TLK1: variants seen among roughly 807,000 people sequenced by gnomAD.
The protein encoded by TLK1 is serine/threonine-protein kinase tousled-like 1.
Under a neutral mutation model 105.3 loss-of-function variants are expected in TLK1, and 24 were observed. The ratio of observed to expected loss-of-function variants is 0.23; its 90% CI spans 0.17 to 0.32. The LOEUF (loss-of-function observed/expected upper bound fraction) is 0.32. TLK1 is among the 10% of genes least tolerant of loss of function. TLK1 has a pLI of 1.00. For synonymous variants in TLK1, 321 were observed against 310.4 expected (o/e 1.03, Z -0.36); for missense variants, 558 against 910.5 (o/e 0.61, Z 4.98).
intron 3 of TLK1, chr2:171,081,504 G>T: frequency 2.6e-6 from 1 of 389,314 alleles, no homozygotes; most frequent in Non-Finnish European, 4.3e-6. Context: ...AATATAAAGT[G>T]AGAACATTCT....
intron 2 of TLK1, among the ~76,000 whole-genome samples, chr2:171,101,960 T>C (rs1689711904): frequency 6.6e-6 from 1 of 152,232 alleles, no homozygotes; most frequent in South Asian, 2.1e-4. Context: ...TAATTAACTT[T>C]TGAATAGGCA....
intron 1 of TLK1, among the ~76,000 whole-genome samples, chr2:171,211,167 C>T (rs778482635): frequency 2.0e-5 from 3 of 152,190 alleles, no homozygotes; most frequent in African/African-American, 4.8e-5. Flanking sequence ...TCAGAGACCT[C>T]GAATCCTACA....
intron 1 of TLK1, among the ~76,000 whole-genome samples, chr2:171,192,432 C>A (rs1381955237): frequency 2.6e-5 from 4 of 152,170 alleles, no homozygotes; most frequent in Non-Finnish European, 2.9e-5. Context: ...ATAATCCCAG[C>A]ACTTTGGGAG....
chr2:171,163,875 A>ATT (rs1692559558), upstream of TLK1, among the ~76,000 whole-genome samples: 3 of 152,022 alleles, frequency 2.0e-5, no homozygotes, highest in Non-Finnish European at 4.4e-5. Context: ...GCAGATGCCT[A>ATT]TCACAATGCC....
At chr2:171,034,691 A>C (rs1686233977) in intron 11 of TLK1, among the ~76,000 whole-genome samples, 1 of 152,336 alleles carries the variant, frequency 6.6e-6, no homozygotes, top group Middle Eastern at 3.4e-3. Context: ...GAATGGACTA[A>C]AAGCCACTGA....
At chr2:171,156,017 T>C (rs1692218375) in intron 1 of TLK1, among the ~76,000 whole-genome samples, 3 of 152,198 alleles carry the variant, frequency 2.0e-5, no homozygotes, top group South Asian at 2.1e-4. Flanking sequence ...GTATCTTCCA[T>C]AGACTTCCTG....
intron 2 of TLK1, among the ~76,000 whole-genome samples, chr2:171,103,281 T>TATATATATATATAA (rs1018211660): frequency 1.7e-4 from 26 of 150,048 alleles, no homozygotes; most frequent in African/African-American, 6.5e-4. Flanking sequence ...TATATATATA[T>TATATATATATATAA]AATTTTTTTT....
At chr2:171,197,270 A>G (rs1329679384) in intron 1 of TLK1, among the ~76,000 whole-genome samples, 1 of 152,186 alleles carries the variant, frequency 6.6e-6, no homozygotes, top group Non-Finnish European at 1.5e-5. Context: ...TGAATATGAA[A>G]AGATTTCTTA....
rs567973913 is a variant in TLK1, at chr2:170,993,457, CG to C, written c.*322del. On this transcript the variant is annotated 3_prime_UTR_variant, in exon 21 of 21. Transcript: ENST00000431350. ...ACCAAATGTATTTAAGTATTATAAACGTTATTTACAGTGTTCCCCCAAATAA... is the reference window on the plus strand; with the variant it reads ...ACCAAATGTATTTAAGTATTATAAACTTATTTACAGTGTTCCCCCAAATAA... The C allele has an allele frequency of 3.5e-3, 716 of 203,166 alleles. 7 individuals carry two copies. The highest frequency in any genetic ancestry group is 0.015 in the African/African-American group (640 of 43,692). 12.6% of individuals were successfully genotyped at this position (203,166 alleles called of 1,614,324 possible). A position where few individuals can be genotyped will look rare whatever the true frequency, so the allele number is the denominator to read the frequency against.
At chr2:171,051,997 T>G (rs12618232) in intron 8 of TLK1, among the ~76,000 whole-genome samples, 76,125 of 152,018 alleles carry the variant, frequency 0.5, 21,598 homozygotes, top group South Asian at 0.67. Context: ...CAGCTGGGCA[T>G]GGTGGCTCAT....
intron 1 of TLK1, among the ~76,000 whole-genome samples, chr2:171,172,511 C>T (rs1002558460): frequency 6.6e-6 from 1 of 152,156 alleles, no homozygotes; most frequent in African/African-American, 2.4e-5. Context: ...TCTGTGTCCC[C>T]ACCCAAATCT....
chr2:171,017,029 T>C (rs189320930), intron 12 of TLK1, among the ~76,000 whole-genome samples: 216 of 152,270 alleles, frequency 1.4e-3, no homozygotes, highest in African/African-American at 5.1e-3. Context: ...CATATATTTT[T>C]AATTTTAATT....
chr2:171,112,745 A>G (rs1690237162), intron 2 of TLK1, among the ~76,000 whole-genome samples: 1 of 152,192 alleles, frequency 6.6e-6, no homozygotes, highest in Non-Finnish European at 1.5e-5. Context: ...AGACCAAACT[A>G]TAAAAATTAA....
chr2:171,216,161 C>A (rs1207619727), intron 1 of TLK1, among the ~76,000 whole-genome samples: 1 of 152,134 alleles, frequency 6.6e-6, no homozygotes, highest in African/African-American at 2.4e-5. Context: ...TCCAGAGTTG[C>A]ACACTAACCA....
Position 171,117,631 on chromosome 2 carries a change from A to G in TLK1, c.258+108T>C, listed in dbSNP as rs189150851. The G allele has an allele frequency of 5.7e-4, 477 of 831,584 alleles. 11 individuals are homozygous for G. The East Asian group carries it at 8.4e-3, about 15-fold the overall frequency. The allele number at this position is 831,584 out of a possible 1,614,324, so 51.5% of individuals were successfully genotyped here. On this transcript the variant is annotated intron_variant, in intron 2 of 20. Transcript: ENST00000431350. ...ACACTGATCTTATTCTACACATTAT[A>G]AAAGTTACATTTGCTGTTAAGCACG...
intron 12 of TLK1, among the ~76,000 whole-genome samples, chr2:171,021,433 C>CTT (rs531522490): frequency 1.7e-5 from 2 of 116,842 alleles, no homozygotes; most frequent in African/African-American, 6.7e-5. Flanking sequence ...CCCGCCCCGA[C>CTT]TTTTTTTTTT....
chr2:171,146,119 C>T (rs1222113922), intron 1 of TLK1, among the ~76,000 whole-genome samples: 4 of 151,980 alleles, frequency 2.6e-5, no homozygotes, highest in Non-Finnish European at 5.9e-5. Context: ...AATTAGAGTA[C>T]TTGAACTTCA....
upstream of TLK1, among the ~76,000 whole-genome samples, chr2:171,163,986 A>G (rs1413366027): frequency 6.6e-6 from 1 of 152,206 alleles, no homozygotes. Flanking sequence ...TTGGCCTCTT[A>G]AAGTGCTAGG....
chr2:171,068,250 A>G (rs1016695095), intron 3 of TLK1, among the ~76,000 whole-genome samples: 5 of 152,116 alleles, frequency 3.3e-5, no homozygotes, highest in African/African-American at 1.2e-4. Context: ...AATTGCTTGT[A>G]TCTGGGAGGC....
Sources: gnomAD v4.1 joint callset for allele counts (sites outside exome capture counted in the v4.1 genomes callset) on GRCh38, gnomAD v4.1.1 for gene constraint, MANE v1.5 for transcripts, NCBI Gene and HGNC (gene_info 2026-07-23, HGNC 2026-07-21) for gene names.